The following DYM variants were observed in gnomAD, a reference collection of about 807,000 sequenced individuals.
DYM encodes the protein dyggve-Melchior-Clausen syndrome protein.
DYM carries 78 observed loss-of-function variants against 93.1 expected under a neutral mutation model. The observed-to-expected ratio is 0.84, with a 90% CI of 0.70 to 1.01. The LOEUF (loss-of-function observed/expected upper bound fraction) is 1.01. Among genes scored for constraint, DYM ranks in the 50% least tolerant of loss-of-function variants. The pLI, the probability that DYM is intolerant of heterozygous loss-of-function variation, is 0.00. For synonymous variants in DYM, 321 were observed against 319.7 expected, an observed-to-expected ratio of 1.00 and a Z score of -0.04; for missense variants, 789 against 845.0, an observed-to-expected ratio of 0.93 and a Z score of 0.82.
At chr18:49,144,175 T>C (rs891840052) in intron 15 of DYM, among the ~76,000 whole-genome samples, 1 of 152,150 alleles carries the variant, frequency 6.6e-6, no homozygotes, top group Non-Finnish European at 1.5e-5. Flanking sequence ...AATTTGTTAG[T>C]TGAAGAAACC....
Position 49,178,649 on chromosome 18 carries a change from T to G in DYM, c.1626-14862A>C, listed in dbSNP as rs989973842. 2.0e-5 allele frequency among the ~76,000 whole-genome samples: 3 copies of G among 152,244 alleles called. No individual in the cohort carries two copies. The East Asian group carries it at 5.8e-4, about 29-fold the overall frequency. ...CAGAATATTTCCAAAATGATAAAAT[T>G]ATAATTCTTTCTAATAAAAATACAC... On this transcript the variant is annotated intron_variant, in intron 14 of 17. Coordinates refer to ENST00000675505, the MANE Select transcript of DYM (RefSeq NM_001353214.3).
At chr18:49,328,749 G>A (rs982457616) in intron 8 of DYM, among the ~76,000 whole-genome samples, 1 of 152,192 alleles carries the variant, frequency 6.6e-6, no homozygotes, top group African/African-American at 2.4e-5. Flanking sequence ...TCTCATACCA[G>A]TTAGAATGGC....
chr18:49,200,498 TG>T (rs1461517734), intron 14 of DYM, among the ~76,000 whole-genome samples: 2 of 151,858 alleles, frequency 1.3e-5, no homozygotes, highest in Non-Finnish European at 2.9e-5. Context: ...TTATGTCAAA[TG>T]TTTTCCATAT....
In DYM at chr18:49,038,027, GT is replaced by G. The variant is rs371608176; in HGVS notation, c.*6027del. On this transcript the variant is annotated 3_prime_UTR_variant, in exon 18 of 18. Transcript: ENST00000675505. ...TTTTGTAAAGGTGGGGCCTCATTAT[GT>G]TGCCCAAGCTGGTCTCAAACTCCTG... is the stretch of plus-strand genomic sequence containing the variant. Among the ~76,000 whole-genome samples the G allele has an allele frequency of 8.5e-4, 130 of 152,276 alleles. 3 individuals are homozygous for G. The South Asian group carries it at 0.026, about 31-fold the overall frequency.
chr18:49,067,244 T>G (rs1599484371), intron 17 of DYM, among the ~76,000 whole-genome samples: 2 of 28,768 alleles, frequency 7.0e-5, no homozygotes, highest in South Asian at 1.3e-3. Flanking sequence ...AGGAGTGGGG[T>G]GACATGTTAT....
chr18:49,443,616 C>G (rs1210377152), intron 1 of DYM, among the ~76,000 whole-genome samples: 2 of 152,162 alleles, frequency 1.3e-5, no homozygotes, highest in Non-Finnish European at 2.9e-5. Context: ...CTAGACTAAG[C>G]ACTCATCACA....
At chr18:49,361,707 TTTTTTTAA>T (rs1486411229) in intron 6 of DYM, among the ~76,000 whole-genome samples, 3 of 151,924 alleles carry the variant, frequency 2.0e-5, no homozygotes, top group African/African-American at 4.8e-5. Flanking sequence ...GGACAATATA[TTTTTTTAA>T]TTTTTTAATT....
chr18:49,459,210 A>T (rs562993422), intron 1 of DYM, among the ~76,000 whole-genome samples: 7 of 152,180 alleles, frequency 4.6e-5, no homozygotes, highest in Non-Finnish European at 8.8e-5. Flanking sequence ...TTCATCAATT[A>T]TTCCAACTCA....
intron 8 of DYM, among the ~76,000 whole-genome samples, chr18:49,306,869 G>T (rs1317701667): frequency 6.6e-6 from 1 of 152,080 alleles, no homozygotes; most frequent in Non-Finnish European, 1.5e-5. Flanking sequence ...CTTCTACTCT[G>T]GATTTAAATG....
At chr18:49,236,470 A>G (rs1452008153) in intron 13 of DYM, among the ~76,000 whole-genome samples, 1 of 129,066 alleles carries the variant, frequency 7.7e-6, no homozygotes, top group Non-Finnish European at 1.7e-5. Context: ...ACAGAGCGAG[A>G]CTCTGTCTCA....
intron 15 of DYM, among the ~76,000 whole-genome samples, chr18:49,156,442 C>A (rs1156560830): frequency 1.3e-5 from 2 of 151,416 alleles, no homozygotes; most frequent in African/African-American, 4.9e-5. Context: ...AAAACAACAA[C>A]AAAAAATGGC....
Position 49,292,328 on chromosome 18 carries a change from G to A in DYM, c.764-5712C>T, listed in dbSNP as rs1458624301. Among the ~76,000 whole-genome samples the A allele has an allele frequency of 3.0e-4, 24 of 80,310 alleles. No individual in the cohort carries two copies. In the East Asian group the frequency reaches 4.9e-3, roughly 16 times the overall value. 52.7% of individuals were successfully genotyped at this position (80,310 alleles called of 152,430 possible). ...GACAGACAGACAGGCAGGCAGGCAG[G>A]CAGGCAGGCAGACAGACAGACAGAC... On this transcript the variant is annotated intron_variant, in intron 8 of 17. Transcript: ENST00000675505.
intron 8 of DYM, among the ~76,000 whole-genome samples, chr18:49,317,692 T>TTCCTTCCTTCCTTCCTTCCTTCCTTC (rs1568237353): frequency 1.3e-4 from 5 of 39,440 alleles, no homozygotes; most frequent in Non-Finnish European, 2.0e-4. Context: ...TTCCTTCCTT[T>TTCCTTCCTTCCTTCCTTCCTTCCTTC]CTTTCTTTCT....
intron 11 of DYM, among the ~76,000 whole-genome samples, chr18:49,260,361 G>A (rs980953261): frequency 6.6e-6 from 1 of 152,210 alleles, no homozygotes; most frequent in African/African-American, 2.4e-5. Context: ...CAGCCTGGGC[G>A]TAGCAGAGTG....
intron 6 of DYM, among the ~76,000 whole-genome samples, chr18:49,350,493 G>A (rs2065013605): frequency 6.6e-6 from 1 of 152,088 alleles, no homozygotes; most frequent in Admixed American, 6.5e-5. Flanking sequence ...GGATCACGAG[G>A]TCAGGAGTTT....
At chr18:49,246,626 T>A (rs892658397) in intron 13 of DYM, among the ~76,000 whole-genome samples, 1 of 152,206 alleles carries the variant, frequency 6.6e-6, no homozygotes, top group Non-Finnish European at 1.5e-5. Flanking sequence ...TATTCCCATA[T>A]GTAAAATGTG....
intron 17 of DYM, among the ~76,000 whole-genome samples, chr18:49,054,108 T>C (rs1477964137): frequency 6.6e-6 from 1 of 152,136 alleles, no homozygotes; most frequent in South Asian, 2.1e-4. Context: ...CTCTTCCAAG[T>C]GTAATGGAGG....
intron 3 of DYM, among the ~76,000 whole-genome samples, chr18:49,389,024 T>G (rs2068919851): frequency 6.6e-6 from 1 of 152,058 alleles, no homozygotes; most frequent in African/African-American, 2.4e-5. Flanking sequence ...GCCCTTAAAG[T>G]TGATATGCAC....
At chr18:49,174,172 G>C (rs1161519263) in intron 14 of DYM, among the ~76,000 whole-genome samples, 1 of 152,088 alleles carries the variant, frequency 6.6e-6, no homozygotes, top group Admixed American at 6.6e-5. Context: ...ATTATGGCAT[G>C]TTAAACCAGA....
Sources: allele counts gnomAD v4.1 joint callset (sites outside exome capture counted in the v4.1 genomes callset), GRCh38; gene constraint gnomAD v4.1.1; transcripts MANE v1.5; gene names NCBI Gene and HGNC (gene_info 2026-07-23, HGNC 2026-07-21).